Variants in PTPN3 observed in about 807,000 individuals in gnomAD.
PTPN3 encodes protein tyrosine phosphatase non-receptor type 3, also known as tyrosine-protein phosphatase non-receptor type 3.
In PTPN3, 96 loss-of-function variants were observed where a neutral mutation model predicts 132.7. That is an observed-to-expected ratio of 0.72 (90% CI 0.61 to 0.86). The LOEUF is 0.86. Ranked by LOEUF, PTPN3 falls within the 40% of genes least tolerant of loss-of-function variation. The pLI is 0.00. For synonymous variants in PTPN3, 398 were observed against 429.0 expected (o/e 0.93, Z 0.89); for missense variants, 1,125 against 1,159.6 (o/e 0.97, Z 0.43).
At chr9:109,396,649 G>A (rs185577866) in intron 19 of PTPN3, among the ~76,000 whole-genome samples, 9 of 152,228 alleles carry the variant, frequency 5.9e-5, no homozygotes, top group South Asian at 4.2e-4. Flanking sequence ...TGAAGCTAAC[G>A]GTAAATTATA....
At chr9:109,503,212 C>A (rs915381462), upstream of PTPN3, among the ~76,000 whole-genome samples, 1 of 152,138 alleles carries the variant, frequency 6.6e-6, no homozygotes, top group African/African-American at 2.4e-5. Context: ...GACAAAGAGT[C>A]ACCAGGCATG....
intron 5 of PTPN3, chr9:109,449,779 G>C: frequency 1.0e-6 from 1 of 985,396 alleles, no homozygotes; most frequent in Non-Finnish European, 1.2e-6. Flanking sequence ...AAGTGCACAG[G>C]GGCAGGAGAG....
At chr9:109,493,781 A>T (rs573675057) in intron 1 of PTPN3, among the ~76,000 whole-genome samples, 2 of 152,154 alleles carry the variant, frequency 1.3e-5, no homozygotes, top group Non-Finnish European at 2.9e-5. Flanking sequence ...CGGCACATCT[A>T]TGTAAAGGCA....
chr9:109,408,525 G>A lies in PTPN3; in HGVS notation c.1579-148C>T, dbSNP rs201939312. ...ACAGGGAGGCTTCAAACTTCACTAT[G>A]ACTGATTCGAATCACACGTCATTTC... is the stretch of plus-strand genomic sequence containing the variant. On this transcript the variant is annotated intron_variant, in intron 16 of 25. Coordinates refer to ENST00000374541, the MANE Select transcript of PTPN3 (RefSeq NM_002829.4). 75 of 557,544 alleles carry A rather than the reference G, an allele frequency of 1.3e-4. No homozygotes were observed. In the East Asian group the frequency reaches 2.2e-3, roughly 16 times the overall value. 34.5% of individuals were successfully genotyped at this position (557,544 alleles called of 1,614,324 possible). A position where few individuals can be genotyped will look rare whatever the true frequency, so the allele number is the denominator to read the frequency against.
In PTPN3 at chr9:109,458,029, G is replaced by A. The variant is rs574117874; in HGVS notation, c.139-630C>T. On this transcript the variant is annotated intron_variant, in intron 2 of 25. Transcript: ENST00000374541. ...CGCCTCTTCAGATCAGGACTCCATTGCCTTCCCCGCTCCATGTTTATGGGG... is the reference window on the plus strand; with the variant it reads ...CGCCTCTTCAGATCAGGACTCCATTACCTTCCCCGCTCCATGTTTATGGGG... Among the ~76,000 whole-genome samples the A allele has an allele frequency of 2.6e-5, 4 of 152,326 alleles. 1 individual carries two copies. The South Asian group carries it at 8.3e-4, about 32-fold the overall frequency.
intron 5 of PTPN3, chr9:109,451,391 T>G: frequency 1.0e-6 from 1 of 958,502 alleles, no homozygotes; most frequent in Non-Finnish European, 1.2e-6. Context: ...CTTCTTAAGA[T>G]GGAAGGTGGG....
intron 1 of PTPN3, among the ~76,000 whole-genome samples, chr9:109,494,732 G>A (rs1432995873): frequency 2.0e-5 from 3 of 151,976 alleles, no homozygotes; most frequent in Non-Finnish European, 2.9e-5. Flanking sequence ...AGATGGATGG[G>A]GACGCACATA....
intron 1 of PTPN3, among the ~76,000 whole-genome samples, chr9:109,486,602 G>A (rs1161055761): frequency 6.6e-6 from 1 of 152,150 alleles, no homozygotes; most frequent in Non-Finnish European, 1.5e-5. Flanking sequence ...AAGAAAGAAG[G>A]TGATGAGCTC....
At position 109,438,346 on chromosome 9, in the gene PTPN3, C is replaced by A. The variant is rs77581270; in HGVS notation, c.467-112G>T. 9.5e-4 allele frequency: 1,141 copies of A among 1,204,104 alleles called. 9 individuals carry two copies. The African/African-American group carries it at 0.015, about 16-fold the overall frequency. 74.6% of individuals were successfully genotyped at this position (1,204,104 alleles called of 1,614,324 possible). ...AATAACATTAATTAGAAATACTCTTCTGGTAAGTTCTACACCACATGAACT... is the reference window on the plus strand; with the variant it reads ...AATAACATTAATTAGAAATACTCTTATGGTAAGTTCTACACCACATGAACT... On this transcript the variant is annotated intron_variant, in intron 7 of 25. Coordinates refer to ENST00000374541, the MANE Select transcript of PTPN3 (RefSeq NM_002829.4).
At chr9:109,426,920 G>C (rs768939228) in intron 12 of PTPN3, 30 bp downstream of exon 12, 2 of 1,576,410 alleles carry the variant, frequency 1.3e-6, no homozygotes. Context: ...TCTCAGCCTA[G>C]TGTGGACACA....
the PTPN3 span, among the ~76,000 whole-genome samples, chr9:109,522,271 C>T: frequency 6.6e-6 from 1 of 152,206 alleles, no homozygotes; most frequent in African/African-American, 2.4e-5. Flanking sequence ...TAGCCAATGT[C>T]TTGTGGCATT....
intron 1 of PTPN3, among the ~76,000 whole-genome samples, chr9:109,489,887 A>G (rs1436204870): frequency 6.6e-6 from 1 of 152,128 alleles, no homozygotes; most frequent in African/African-American, 2.4e-5. Flanking sequence ...CTGCAACTAA[A>G]TAACAACATC....
At chr9:109,449,816 C>G (rs1845130286) in intron 5 of PTPN3, 1 of 985,202 alleles carries the variant, frequency 1.0e-6, no homozygotes, top group African/African-American at 1.7e-5. Flanking sequence ...TGAAACAAAT[C>G]AGTTTCATTA....
chr9:109,450,386 G>A (rs1017248637), intron 5 of PTPN3: 2 of 984,942 alleles, frequency 2.0e-6, no homozygotes, highest in Middle Eastern at 5.2e-4. Flanking sequence ...GAAAAAAAGA[G>A]AAAGGAGAGT....
At chr9:109,425,790 A>T (rs1384143645) in intron 12 of PTPN3, among the ~76,000 whole-genome samples, 2 of 152,128 alleles carry the variant, frequency 1.3e-5, no homozygotes, top group Non-Finnish European at 2.9e-5. Context: ...AGGTGGGTGG[A>T]TCACCTGAGG....
chr9:109,504,520 A>G, the PTPN3 span, among the ~76,000 whole-genome samples: 1 of 152,338 alleles, frequency 6.6e-6, no homozygotes, highest in African/African-American at 2.4e-5. Flanking sequence ...GACAGTCCAG[A>G]TTATGCATAT....
Position 109,391,033 on chromosome 9 carries a change from T to G in PTPN3, c.2106+105A>C, listed in dbSNP as rs1588303032. 3.9e-6 allele frequency: 4 copies of G among 1,017,964 alleles called. No homozygotes were observed. The East Asian group carries it at 1.0e-4, about 26-fold the overall frequency. 63.1% of individuals were successfully genotyped at this position (1,017,964 alleles called of 1,614,324 possible). A position where few individuals can be genotyped will look rare whatever the true frequency, so the allele number is the denominator to read the frequency against. On this transcript the variant is annotated intron_variant, in intron 21 of 25. Transcript: ENST00000374541. ...CTGTTGTGGTGCTGAAATGCGGTGG[T>G]GAACGGGAAAGCACTGTGTCAACTG...
intron 1 of PTPN3, among the ~76,000 whole-genome samples, chr9:109,478,015 G>A (rs943598296): frequency 5.3e-5 from 8 of 152,206 alleles, no homozygotes; most frequent in Non-Finnish European, 1.0e-4. Context: ...GGGTGTAGCA[G>A]GGGCCTGGAT....
intron 1 of PTPN3, among the ~76,000 whole-genome samples, chr9:109,487,996 A>G (rs549120570): frequency 3.3e-5 from 5 of 152,042 alleles, no homozygotes; most frequent in Non-Finnish European, 7.3e-5. Flanking sequence ...GGTCACTTTC[A>G]GTTCTGACAC....
Sources: allele counts gnomAD v4.1 joint callset (sites outside exome capture counted in the v4.1 genomes callset), GRCh38; gene constraint gnomAD v4.1.1; transcripts MANE v1.5; gene names NCBI Gene and HGNC (gene_info 2026-07-23, HGNC 2026-07-21).